GLUD1: variants seen among roughly 807,000 people sequenced by gnomAD.
GLUD1 encodes glutamate dehydrogenase 1, also known as glutamate dehydrogenase 1, mitochondrial.
GLUD1 carries 22 observed loss-of-function variants against 56.0 expected under a neutral mutation model. That is an observed-to-expected ratio of 0.39 (90% CI 0.28 to 0.56). The LOEUF (loss-of-function observed/expected upper bound fraction) is 0.56, where lower values mean the gene tolerates loss of function less well. Ranked by LOEUF, GLUD1 falls within the 20% of genes least tolerant of loss-of-function variation. The pLI is 0.58. For synonymous variants in GLUD1, 223 were observed against 269.9 expected, an observed-to-expected ratio of 0.83 and a Z score of 1.70; for missense variants, 451 against 732.0, an observed-to-expected ratio of 0.62 and a Z score of 4.43.
At chr10:87,081,113 AG>A in intron 1 of GLUD1, among the ~76,000 whole-genome samples, 1 of 119,610 alleles carries the variant, frequency 8.4e-6, no homozygotes, top group Non-Finnish European at 1.7e-5. Context: ...CCGGGAGGTG[AG>A]GGGGCGCCTC....
chr10:87,085,722 TA>T (rs1257502337), intron 1 of GLUD1, among the ~76,000 whole-genome samples: 1 of 152,238 alleles, frequency 6.6e-6, no homozygotes. Flanking sequence ...CTTAGCAATG[TA>T]AGTGTATATC....
intron 11 of GLUD1, 22 bp from the exon 12 acceptor site, chr10:87,053,426 G>A: frequency 1.3e-6 from 2 of 1,536,464 alleles, no homozygotes; most frequent in Non-Finnish European, 1.8e-6. Context: ...AAGAACACAA[G>A]TTTAACAAAA....
At chr10:87,059,033 T>C in intron 10 of GLUD1, 117 bp downstream of exon 10, 1 of 1,212,616 alleles carries the variant, frequency 8.2e-7, no homozygotes, top group Non-Finnish European at 1.2e-6. Flanking sequence ...AAATATTATT[T>C]TCTTTTCTGA....
intron 11 of GLUD1, among the ~76,000 whole-genome samples, chr10:87,056,575 G>A (rs1462417421): frequency 2.0e-5 from 3 of 152,254 alleles, no homozygotes; most frequent in East Asian, 1.9e-4. Context: ...GATTATAGGC[G>A]TGAGCCACCG....
At chr10:87,092,571 A>G in intron 1 of GLUD1, 1 of 926,862 alleles carries the variant, frequency 1.1e-6, no homozygotes, top group South Asian at 5.0e-5. Context: ...AACAAGAGAA[A>G]GAGGACTCAC....
intron 4 of GLUD1, among the ~76,000 whole-genome samples, chr10:87,074,120 C>A (rs1215298225): frequency 1.3e-5 from 2 of 151,962 alleles, no homozygotes; most frequent in Non-Finnish European, 2.9e-5. Flanking sequence ...AAAATATAAA[C>A]ACAGATAATA....
At chr10:87,062,254 G>A (rs1279546075) in intron 6 of GLUD1, among the ~76,000 whole-genome samples, 1 of 152,218 alleles carries the variant, frequency 6.6e-6, no homozygotes, top group Non-Finnish European at 1.5e-5. Flanking sequence ...ACTTAATTAA[G>A]ATTCTCCTAA....
At chr10:87,085,327 CAG>C (rs1376293732) in intron 1 of GLUD1, among the ~76,000 whole-genome samples, 5 of 128,814 alleles carry the variant, frequency 3.9e-5, no homozygotes, top group South Asian at 2.4e-4. Flanking sequence ...GCCTGGGCGA[CAG>C]AGAGTGAGAC....
chr10:87,071,395 C>G lies in GLUD1; in HGVS notation c.646+3156G>C, dbSNP rs564313153. 3.4e-3 allele frequency among the ~76,000 whole-genome samples: 523 copies of G among 151,958 alleles called. 2 individuals carry two copies. Among genetic ancestry groups the G allele is most frequent in the Non-Finnish European group, 5.3e-3 (362 of 67,978 alleles). ...AGAGACGGGGTTTTACCATGTTGGC[C>G]AGGCTGGTCTCGAACTCCTGACCTC... On this transcript the variant is annotated intron_variant, in intron 4 of 12. Transcript: ENST00000277865.
At chr10:87,080,086 C>T (rs979424640) in intron 1 of GLUD1, among the ~76,000 whole-genome samples, 7 of 151,816 alleles carry the variant, frequency 4.6e-5, no homozygotes, top group East Asian at 1.9e-4. Flanking sequence ...TGCAGGCGCG[C>T]GCCGCCACGC....
At chr10:87,080,863 C>G (rs1463008275) in intron 1 of GLUD1, among the ~76,000 whole-genome samples, 4 of 150,644 alleles carry the variant, frequency 2.7e-5, no homozygotes, top group Non-Finnish European at 4.4e-5. Context: ...GTCAGCCCCC[C>G]GCCCGGCCAG....
rs145103986 is a variant in GLUD1 at position 87,085,782 on chromosome 10, A to G, written c.445+8543T>C. On this transcript the variant is annotated intron_variant, in intron 1 of 12. Transcript: ENST00000277865. ...TTATATATGTACATATCCATAAAACATACAGCTTTGTTTTGTGTTATTTAA... is the reference window on the plus strand; with the variant it reads ...TTATATATGTACATATCCATAAAACGTACAGCTTTGTTTTGTGTTATTTAA... Among the ~76,000 whole-genome samples, 1,117 of 152,318 alleles carry G rather than the reference A, an allele frequency of 7.3e-3. 15 individuals are homozygous for G. Among genetic ancestry groups the G allele is most frequent in the African/African-American group, 0.025 (1,060 of 41,570 alleles).
intron 4 of GLUD1, 60 bp downstream of exon 4, chr10:87,074,487 CAAAA>C: frequency 2.6e-6 from 2 of 761,932 alleles, no homozygotes; most frequent in South Asian, 1.5e-5. Flanking sequence ...GACTCCGTCT[CAAAA>C]AAAAAAAAAA....
chr10:87,059,974 T>C (rs958423493), intron 9 of GLUD1, among the ~76,000 whole-genome samples, 187 bp downstream of exon 9: 1 of 152,330 alleles, frequency 6.6e-6, no homozygotes. Context: ...TTGGAATAAA[T>C]GTTTCGATCA....
chr10:87,079,251 TA>T (rs1167156363), intron 1 of GLUD1, among the ~76,000 whole-genome samples: 4 of 151,358 alleles, frequency 2.6e-5, no homozygotes, highest in Non-Finnish European at 5.9e-5. Flanking sequence ...TAAATAATAT[TA>T]AGATGAATCA....
intron 1 of GLUD1, among the ~76,000 whole-genome samples, chr10:87,080,826 CG>C (rs1841214602): frequency 2.0e-5 from 3 of 151,558 alleles, no homozygotes; most frequent in African/African-American, 7.3e-5. Flanking sequence ...GCCCGGCAGC[CG>C]ACCTGTCCGG....
chr10:87,078,036 T>C (rs983915432), intron 1 of GLUD1, among the ~76,000 whole-genome samples: 4 of 152,204 alleles, frequency 2.6e-5, no homozygotes, highest in African/African-American at 9.7e-5. Flanking sequence ...TTCTTACATG[T>C]TTCTGAAAAC....
At position 87,094,063 on chromosome 10, in the gene GLUD1, C is replaced by T. The variant is rs1427335758; in HGVS notation, c.445+262G>A. 7 of 1,514,214 alleles carry T rather than the reference C, an allele frequency of 4.6e-6. No homozygotes were observed. In the Admixed American group the frequency reaches 1.4e-4, roughly 30 times the overall value. The allele number at this position is 1,514,214 out of a possible 1,614,324, so 93.8% of individuals were successfully genotyped here. A position where few individuals can be genotyped will look rare whatever the true frequency, so the allele number is the denominator to read the frequency against. ...CAAAAGGAGACCGGTGCAGCGTCTA[C>T]TCTGCATGCAAGATCAGCATATACA... On this transcript the variant is annotated intron_variant, in intron 1 of 12. Coordinates refer to ENST00000277865, the MANE Select transcript of GLUD1 (RefSeq NM_005271.5). This position sits in a 1 kb window ranked among gnomAD's most constrained non-coding sequence, Gnocchi z 6.6.
chr10:87,092,574 G>A (rs1841534703), intron 1 of GLUD1: 1 of 932,840 alleles, frequency 1.1e-6, no homozygotes. Context: ...AAGAGAAAGA[G>A]GACTCACAAA....
Sources: allele counts gnomAD v4.1 joint callset (sites outside exome capture counted in the v4.1 genomes callset), GRCh38; gene constraint gnomAD v4.1.1; non-coding constraint Gnocchi (gnomAD v3.1); transcripts MANE v1.5; gene names NCBI Gene and HGNC (gene_info 2026-07-23, HGNC 2026-07-21).